Variants in SND1 observed in about 807,000 individuals in gnomAD.
SND1 encodes staphylococcal nuclease domain-containing protein 1.
Under a neutral mutation model 121.7 loss-of-function variants are expected in SND1, and 38 were observed. The ratio of observed to expected loss-of-function variants is 0.31; its 90% CI spans 0.24 to 0.41. The LOEUF is 0.41. Ranked by LOEUF, SND1 falls within the 10% of genes least tolerant of loss-of-function variation. The pLI is 1.00. For synonymous variants in SND1, 401 were observed against 447.4 expected, an observed-to-expected ratio of 0.90 and a Z score of 1.31; for missense variants, 868 against 1,184.6, an observed-to-expected ratio of 0.73 and a Z score of 3.92.
At chr7:127,943,705 C>T (rs1306691942) in intron 15 of SND1, among the ~76,000 whole-genome samples, 3 of 152,108 alleles carry the variant, frequency 2.0e-5, no homozygotes, top group African/African-American at 4.8e-5. Context: ...GCTGGCATTA[C>T]CTGTGCAATC....
At chr7:128,053,452 G>C (rs1374584632) in intron 16 of SND1, among the ~76,000 whole-genome samples, 1 of 152,110 alleles carries the variant, frequency 6.6e-6, no homozygotes, top group East Asian at 1.9e-4. Flanking sequence ...GAGTCTGAGT[G>C]ACTCTCAGGG....
chr7:128,040,301 C>T (rs55997549), intron 16 of SND1, among the ~76,000 whole-genome samples: 2,084 of 151,770 alleles, frequency 0.014, 58 homozygotes, highest in African/African-American at 0.048. Context: ...AGGTGCAGTG[C>T]TTATGCTTGT....
rs568102914 is a variant in SND1, at chr7:127,753,848, C to T, written c.1152+32448C>T. Among the ~76,000 whole-genome samples, 4 of 152,146 alleles carry T rather than the reference C, an allele frequency of 2.6e-5. No individual in the cohort carries two copies. The East Asian group carries it at 5.8e-4, about 22-fold the overall frequency. The stretch of plus-strand genomic sequence containing the variant: ...ATACAATTTTGTAACAATTGATTAC[C>T]GCTAAAATGGTTACCTCTCTTTGTC... On this transcript the variant is annotated intron_variant, in intron 10 of 23. Coordinates refer to ENST00000354725, the MANE Select transcript of SND1 (RefSeq NM_014390.4).
chr7:127,784,400 C>T (rs1281269585), intron 10 of SND1, among the ~76,000 whole-genome samples: 1 of 152,218 alleles, frequency 6.6e-6, no homozygotes, highest in East Asian at 1.9e-4. Flanking sequence ...TTCTTTTCTA[C>T]TGCCTATCCT....
At chr7:127,743,504 G>A (rs1377156273) in intron 10 of SND1, among the ~76,000 whole-genome samples, 1 of 152,102 alleles carries the variant, frequency 6.6e-6, no homozygotes, top group Non-Finnish European at 1.5e-5. Flanking sequence ...TACATTTAAA[G>A]GTCACCACCC....
chr7:127,970,993 G>A (rs1584705011), intron 15 of SND1, among the ~76,000 whole-genome samples: 1 of 152,072 alleles, frequency 6.6e-6, no homozygotes, highest in Non-Finnish European at 1.5e-5. Flanking sequence ...ATCCTGATAA[G>A]GCCCCAGTGT....
chr7:127,951,669 T>C (rs1801465815), intron 15 of SND1, among the ~76,000 whole-genome samples: 1 of 152,116 alleles, frequency 6.6e-6, no homozygotes, highest in Admixed American at 6.5e-5. Context: ...TAGAATGTGG[T>C]GGTCCAAAAC....
At chr7:127,662,628 G>A (rs1795334675) in intron 1 of SND1, among the ~76,000 whole-genome samples, 1 of 152,028 alleles carries the variant, frequency 6.6e-6, no homozygotes, top group South Asian at 2.1e-4. Context: ...ATAAAATTTA[G>A]GGTAAAATAC....
At chr7:128,046,706 A>G (rs1486210073) in intron 16 of SND1, among the ~76,000 whole-genome samples, 1 of 151,376 alleles carries the variant, frequency 6.6e-6, no homozygotes, top group Non-Finnish European at 1.5e-5. Flanking sequence ...CAGTCCTCCC[A>G]CCTCAGCCTC....
chr7:127,887,545 A>G (rs990700114), intron 12 of SND1, among the ~76,000 whole-genome samples: 3 of 151,954 alleles, frequency 2.0e-5, no homozygotes, highest in African/African-American at 7.2e-5. Flanking sequence ...TTTTTTCTCT[A>G]TGTGCCTAAT....
chr7:127,985,579 T>C (rs935611479), intron 15 of SND1, among the ~76,000 whole-genome samples: 2 of 152,230 alleles, frequency 1.3e-5, no homozygotes, highest in African/African-American at 4.8e-5. Context: ...CTTAACATTA[T>C]GCAACATATA....
intron 12 of SND1, among the ~76,000 whole-genome samples, chr7:127,866,894 C>T (rs1391779675): frequency 6.6e-6 from 1 of 152,184 alleles, no homozygotes; most frequent in Non-Finnish European, 1.5e-5. Flanking sequence ...TTCTTACCTC[C>T]TGCCTTCCCA....
At chr7:128,009,325 G>T (rs1297576650) in intron 16 of SND1, among the ~76,000 whole-genome samples, 1 of 152,174 alleles carries the variant, frequency 6.6e-6, no homozygotes, top group Non-Finnish European at 1.5e-5. Context: ...TAGCTTCTTT[G>T]GAGCCCAGGT....
Position 127,674,086 on chromosome 7 carries a change from C to T in SND1, c.79-12527C>T, listed in dbSNP as rs73720874. ...TGTCTCTGTCTTCCTGTCTTCCTGCCTTCCTCTCTCCCTTCCTGCCTTGCT... is the reference window on the plus strand; with the variant it reads ...TGTCTCTGTCTTCCTGTCTTCCTGCTTTCCTCTCTCCCTTCCTGCCTTGCT... On this transcript the variant is annotated intron_variant, in intron 1 of 23. Coordinates refer to ENST00000354725, the MANE Select transcript of SND1 (RefSeq NM_014390.4). 3.9e-3 allele frequency among the ~76,000 whole-genome samples: 585 copies of T among 151,104 alleles called. 4 individuals are homozygous for T. The highest frequency in any genetic ancestry group is 0.014 in the African/African-American group (559 of 41,132).
intron 16 of SND1, among the ~76,000 whole-genome samples, chr7:128,011,380 G>C (rs1399447623): frequency 6.6e-6 from 1 of 152,204 alleles, no homozygotes; most frequent in Non-Finnish European, 1.5e-5. Flanking sequence ...TCAACTCCTG[G>C]GGAGAGAGTG....
At chr7:127,815,210 C>T (rs765006480) in intron 11 of SND1, among the ~76,000 whole-genome samples, 4 of 152,066 alleles carry the variant, frequency 2.6e-5, no homozygotes, top group Non-Finnish European at 5.9e-5. Flanking sequence ...CCATCCATCT[C>T]GAACCTTAGA....
At chr7:128,060,314 C>T (rs570849232) in intron 16 of SND1, among the ~76,000 whole-genome samples, 1 of 152,038 alleles carries the variant, frequency 6.6e-6, no homozygotes, top group African/African-American at 2.4e-5. Flanking sequence ...TTGGGCAGCT[C>T]ACACAACAAG....
intron 12 of SND1, among the ~76,000 whole-genome samples, chr7:127,851,881 G>C (rs1469356791): frequency 4.6e-5 from 7 of 152,324 alleles, no homozygotes; most frequent in African/African-American, 1.4e-4. Context: ...GCTTGGCTGG[G>C]CACGGTGGCT....
At chr7:127,848,216 G>A (rs1485684339) in intron 12 of SND1, among the ~76,000 whole-genome samples, 1 of 152,212 alleles carries the variant, frequency 6.6e-6, no homozygotes, top group African/African-American at 2.4e-5. Context: ...GAGGTGAACT[G>A]GGTTGAGCTG....
Sources: allele counts gnomAD v4.1 joint callset (sites outside exome capture counted in the v4.1 genomes callset), GRCh38; gene constraint gnomAD v4.1.1; transcripts MANE v1.5; gene names NCBI Gene and HGNC (gene_info 2026-07-23, HGNC 2026-07-21).